The following KCNH2 variants were observed in gnomAD, a reference collection of about 807,000 sequenced individuals.
KCNH2 encodes the protein voltage-gated inwardly rectifying potassium channel KCNH2.
KCNH2 carries 35 observed loss-of-function variants against 95.9 expected under a neutral mutation model. The observed-to-expected ratio is 0.37, with a 90% CI of 0.28 to 0.48. The LOEUF (loss-of-function observed/expected upper bound fraction) is 0.48. Among genes scored for constraint, KCNH2 ranks in the 20% least tolerant of loss-of-function variants. The pLI, the probability that KCNH2 is intolerant of heterozygous loss-of-function variation, is 0.99. For missense variants in KCNH2, 1,274 were observed against 1,702.9 expected (o/e 0.75, Z 4.43); for synonymous variants, 786 against 754.7 (o/e 1.04, Z -0.68).
intron 2 of KCNH2, among the ~76,000 whole-genome samples, chr7:150,963,779 A>G (rs1004050639): frequency 4.6e-5 from 7 of 152,162 alleles, no homozygotes; most frequent in African/African-American, 1.4e-4. Flanking sequence ...TTTGGGCCCA[A>G]TGGCCTGGGT....
chr7:150,971,533 CCAGT>C (rs931566488), intron 2 of KCNH2, among the ~76,000 whole-genome samples: 13 of 152,052 alleles, frequency 8.5e-5, no homozygotes, highest in African/African-American at 2.7e-4. Flanking sequence ...CCAGGCCAGG[CCAGT>C]CAGAGGTATG....
intron 8 of KCNH2, 101 bp downstream of exon 8, chr7:150,950,820 A>T: frequency 7.9e-7 from 1 of 1,273,852 alleles, no homozygotes; most frequent in African/African-American, 1.5e-5. Flanking sequence ...CTTACTACTG[A>T]CTGTGACCGC....
rs763843941 is a variant in KCNH2, at chr7:150,961,294, C to CTAT, written c.308-1559_308-1558insATA. On this transcript the variant is annotated intron_variant, in intron 2 of 14. Coordinates refer to ENST00000262186, the MANE Select transcript of KCNH2 (RefSeq NM_000238.4). This position sits in a 1 kb window ranked among gnomAD's most constrained non-coding sequence, Gnocchi z 6.2. ...ACTCCATCTTAGCAACCCAGCCTCACTTTTTTTTTTTTTTTTTTTCTGAGA... is the reference window on the plus strand; with the variant it reads ...ACTCCATCTTAGCAACCCAGCCTCACTATTTTTTTTTTTTTTTTTTTTCTGAGA... Among the ~76,000 whole-genome samples, 7 of 122,132 alleles carry CTAT rather than the reference C, an allele frequency of 5.7e-5. No individual in the cohort carries two copies. The highest frequency in any genetic ancestry group is 1.0e-4 in the Non-Finnish European group (6 of 59,840). The allele number at this position is 122,132 out of a possible 152,430, so 80.1% of individuals were successfully genotyped here.
rs1362389923 is a variant in KCNH2 at position 150,961,817 on chromosome 7, G to C, written c.308-2081C>G. ...TGCGTGCTGGGGAGGCAGGGAGCAG[G>C]CCAGGTGGGAAGGGCCTGATGCATG... On this transcript the variant is annotated intron_variant, in intron 2 of 14. Transcript: ENST00000262186. This position sits in a 1 kb window ranked among gnomAD's most constrained non-coding sequence, Gnocchi z 6.2. Among the ~76,000 whole-genome samples the C allele has an allele frequency of 6.6e-6, 1 of 152,202 alleles. No homozygotes were observed. The highest frequency in any genetic ancestry group is 1.5e-5 in the Non-Finnish European group (1 of 68,036).
rs143479939 is a variant in KCNH2, at chr7:150,959,603, G to A, written c.441C>T (p.His147=). Residue 147 remains histidine (H), a synonymous_variant, in exon 3 of 15, where the codon CAC becomes CAT. Coordinates refer to ENST00000262186, the MANE Select transcript of KCNH2 (RefSeq NM_000238.4). The part of the protein sequence containing the change: ...MVGSPAHDTN[H]RGPPTSWLAP... ...CCAGCCAGCTGGTGGGGGGGCCCCG[G>A]TGGTTGGTGTCATGAGCCGGGGACC... 3.3e-5 allele frequency: 54 copies of A among 1,614,140 alleles called. No individual in the cohort carries two copies. The African/African-American group carries it at 6.3e-4, about 19-fold the overall frequency.
At chr7:150,966,656 AT>A (rs1801715026) in intron 2 of KCNH2, among the ~76,000 whole-genome samples, 1 of 152,200 alleles carries the variant, frequency 6.6e-6, no homozygotes, top group African/African-American at 2.4e-5. Context: ...CCGCAAAAAT[AT>A]AAAGCATTTT....
At chr7:150,949,437 G>GTATGTTCTTTCAGTAA in intron 9 of KCNH2, 1 of 511,560 alleles carries the variant, frequency 2.0e-6, no homozygotes. Flanking sequence ...TTTTTTTACT[G>GTATGTTCTTTCAGTAA]AAAGAACATA....
intron 7 of KCNH2, 144 bp from the exon 8 acceptor site, chr7:150,951,264 G>A: frequency 1.0e-6 from 1 of 997,990 alleles, no homozygotes. Flanking sequence ...CTGCGCTCCA[G>A]CACACCCCAC....
At position 150,950,945 on chromosome 7, in the gene KCNH2, G is replaced by A. The variant is rs1307528282; in HGVS notation, c.2121C>T (p.Tyr707=). Residue 707 remains tyrosine, a synonymous_variant, in exon 8 of 15, where the codon TAC becomes TAT. Coordinates refer to ENST00000262186, the MANE Select transcript of KCNH2 (RefSeq NM_000238.4). ...CCGCGTTCATGTCGATGCCGTTGGT[G>A]TAGGACCAGGCGTGCTGGAAGTACT... ...LEEYFQHAWS[Y]TNGIDMNAVL... is the part of the protein sequence containing the mutation. 1.2e-6 allele frequency: 2 copies of A among 1,614,226 alleles called. No individual in the cohort carries two copies. The highest frequency in any genetic ancestry group is 1.7e-5 in the Admixed American group (1 of 60,032).
At position 150,951,791 on chromosome 7, in the gene KCNH2, G is replaced by A. The variant is rs369102529; in HGVS notation, c.1602C>T (p.Arg534=). 1.8e-5 allele frequency: 29 copies of A among 1,593,420 alleles called. No individual in the cohort carries two copies. In the East Asian group the frequency reaches 2.7e-4, roughly 15 times the overall value. Residue 534 remains arginine, a synonymous_variant, in exon 7 of 15, where the codon CGC becomes CGT. Coordinates refer to ENST00000262186, the MANE Select transcript of KCNH2 (RefSeq NM_000238.4). ...LKTARLLRLV[R]VARKLDRYSE... The stretch of plus-strand genomic sequence containing the variant: ...AGTAGCGATCCAGCTTCCGCGCCAC[G>A]CGCACCAGCCGCAGCAGCCGCGCAG...
At chr7:150,975,229 C>G (rs1325916256) in intron 1 of KCNH2, among the ~76,000 whole-genome samples, 1 of 152,106 alleles carries the variant, frequency 6.6e-6, no homozygotes, top group African/African-American at 2.4e-5. Context: ...CCTCCATGCC[C>G]GAGGCTGAGG....
chr7:150,972,158 T>G (rs1237395781), intron 2 of KCNH2, among the ~76,000 whole-genome samples: 1 of 152,220 alleles, frequency 6.6e-6, no homozygotes, highest in African/African-American at 2.4e-5. Context: ...ATAATGGGGC[T>G]GTCTGGCTCC....
intron 5 of KCNH2, chr7:150,955,941 G>A (rs922936817): frequency 6.2e-5 from 44 of 714,636 alleles, no homozygotes; most frequent in Admixed American, 1.9e-4. Context: ...CTGCAGCGGC[G>A]CTCCCGCAGC....
At chr7:150,974,975 G>C in intron 1 of KCNH2, 34 bp from the exon 2 acceptor site, 1 of 1,538,680 alleles carries the variant, frequency 6.5e-7, no homozygotes, top group East Asian at 2.4e-5. Context: ...CGCGTGAGCG[G>C]GGACCCCAGC....
At chr7:150,960,458 C>A (rs924021368) in intron 2 of KCNH2, among the ~76,000 whole-genome samples, 1 of 152,196 alleles carries the variant, frequency 6.6e-6, no homozygotes. Flanking sequence ...ACACTACAGA[C>A]GGTTAGCTGT....
chr7:150,974,098 G>A (rs1801906495), intron 2 of KCNH2, among the ~76,000 whole-genome samples: 2 of 152,216 alleles, frequency 1.3e-5, no homozygotes, highest in South Asian at 4.1e-4. Context: ...GACACCTGGC[G>A]CAGGAGAGGG....
rs753149816 is a variant in KCNH2 at position 150,951,011 on chromosome 7, G to A, written c.2055C>T (p.Arg685=). The change falls in exon 8 of 15, where the codon CGC becomes CGT. Residue 685 remains arginine (R), a synonymous_variant. Coordinates refer to ENST00000262186, the MANE Select transcript of KCNH2 (RefSeq NM_000238.4). ...TQMLRVREFI[R]FHQIPNPLRQ... ...GCAGGGGATTGGGGATCTGGTGGAA[G>A]CGGATGAACTCCCGCACCCGCAGCA... The A allele has an allele frequency of 3.2e-5, 52 of 1,614,146 alleles. No homozygotes were observed. The highest frequency in any genetic ancestry group is 6.7e-5 in the Admixed American group (4 of 60,018).
At chr7:150,955,112 T>C (rs1801322852) in intron 5 of KCNH2, among the ~76,000 whole-genome samples, 1 of 152,204 alleles carries the variant, frequency 6.6e-6, no homozygotes, top group South Asian at 2.1e-4. Context: ...TGGGCACCCA[T>C]CTCATTCCTG....
intron 5 of KCNH2, chr7:150,955,792 A>G (rs1003225078): frequency 9.3e-6 from 11 of 1,178,000 alleles, no homozygotes; most frequent in Non-Finnish European, 9.4e-6. Context: ...CCAGCCCAGC[A>G]GCGGCCGCAC....
Sources: gnomAD v4.1 joint callset for allele counts (sites outside exome capture counted in the v4.1 genomes callset) on GRCh38, gnomAD v4.1.1 for gene constraint, Gnocchi (gnomAD v3.1) non-coding constraint, MANE v1.5 for transcripts, NCBI Gene and HGNC (gene_info 2026-07-23, HGNC 2026-07-21) for gene names.